The following PDE10A variants were observed in gnomAD, a reference collection of about 807,000 sequenced individuals.
The protein encoded by PDE10A is cAMP and cAMP-inhibited cGMP 3',5'-cyclic phosphodiesterase 10A.
In PDE10A, 39 loss-of-function variants were observed where a neutral mutation model predicts 97.7. The ratio of observed to expected loss-of-function variants is 0.40; its 90% CI spans 0.31 to 0.52. The LOEUF (loss-of-function observed/expected upper bound fraction) is 0.52, where lower values mean the gene tolerates loss of function less well. PDE10A is among the 20% of genes least tolerant of loss of function. The probability of loss-of-function intolerance (pLI) is 0.56; values close to 1 mark genes in which losing one functional copy is unlikely to be tolerated. For synonymous variants in PDE10A, 371 were observed against 376.8 expected (o/e 0.98, Z 0.18); for missense variants, 731 against 1,047.8 (o/e 0.70, Z 4.17).
At chr6:165,544,349 A>T (rs1783625926) in intron 1 of PDE10A, among the ~76,000 whole-genome samples, 1 of 152,216 alleles carries the variant, frequency 6.6e-6, no homozygotes, top group South Asian at 2.1e-4. Flanking sequence ...TAAGTACTGA[A>T]TATACATAAG....
intron 1 of PDE10A, among the ~76,000 whole-genome samples, chr6:165,886,568 G>A (rs1269978021): frequency 6.6e-6 from 1 of 152,230 alleles, no homozygotes; most frequent in African/African-American, 2.4e-5. Context: ...TGCTCAGTGA[G>A]GGTTGAACAA....
intron 1 of PDE10A, among the ~76,000 whole-genome samples, chr6:165,716,900 T>C (rs896477049): frequency 2.6e-5 from 4 of 152,202 alleles, no homozygotes; most frequent in African/African-American, 9.7e-5. Flanking sequence ...TGGCATTAAG[T>C]ACCTTCACAC....
At chr6:165,479,007 A>G (rs1386260922) in intron 3 of PDE10A, among the ~76,000 whole-genome samples, 1 of 152,204 alleles carries the variant, frequency 6.6e-6, no homozygotes, top group African/African-American at 2.4e-5. Flanking sequence ...ATGTCTCCCT[A>G]AAATGTATAA....
At chr6:165,703,480 T>G (rs1455941056) in intron 1 of PDE10A, among the ~76,000 whole-genome samples, 1 of 152,222 alleles carries the variant, frequency 6.6e-6, no homozygotes, top group Non-Finnish European at 1.5e-5. Flanking sequence ...ACTTTCCTCC[T>G]TCATTCATTC....
intron 13 of PDE10A, among the ~76,000 whole-genome samples, chr6:165,396,764 T>C (rs1352105350): frequency 6.6e-6 from 1 of 152,196 alleles, no homozygotes; most frequent in Non-Finnish European, 1.5e-5. Flanking sequence ...CATTTTTAAA[T>C]AAAAATTAAA....
intron 2 of PDE10A, among the ~76,000 whole-genome samples, chr6:165,515,366 A>G (rs1218296076): frequency 1.3e-5 from 2 of 152,090 alleles, no homozygotes; most frequent in Admixed American, 6.6e-5. Flanking sequence ...TTAACATCCA[A>G]TAAATAATTA....
rs980319402 is a variant in PDE10A at position 165,641,932 on chromosome 6, T to A, written c.865+20015A>T. 5.9e-5 allele frequency among the ~76,000 whole-genome samples: 9 copies of A among 152,200 alleles called. No individual in the cohort carries two copies. In the East Asian group the frequency reaches 1.5e-3, roughly 26 times the overall value. On this transcript the variant is annotated intron_variant, in intron 1 of 21. Transcript: ENST00000539869. ...CACGGCAGCCCCGCAGCCTCTGTCCTGCAGGCCACCAGCTGGAGTGGCAGA... is the reference window on the plus strand; with the variant it reads ...CACGGCAGCCCCGCAGCCTCTGTCCAGCAGGCCACCAGCTGGAGTGGCAGA...
intron 1 of PDE10A, among the ~76,000 whole-genome samples, chr6:165,815,013 G>A (rs1233810586): frequency 1.3e-5 from 2 of 152,082 alleles, no homozygotes; most frequent in Non-Finnish European, 2.9e-5. Flanking sequence ...TGAAAAGGGA[G>A]ACGGGGAGTT....
chr6:165,843,546 G>T (rs1780319938), intron 1 of PDE10A, among the ~76,000 whole-genome samples: 1 of 152,194 alleles, frequency 6.6e-6, no homozygotes, highest in Admixed American at 6.5e-5. Flanking sequence ...GAGGCCTGCT[G>T]GCTGCGTCCT....
In PDE10A at chr6:165,803,977, T is replaced by C. The variant is rs114644061; in HGVS notation, c.-615+183552A>G. Among the ~76,000 whole-genome samples the C allele has an allele frequency of 6.6e-3, 1,006 of 152,338 alleles. 9 individuals carry two copies. The highest frequency in any genetic ancestry group is 0.023 in the African/African-American group (969 of 41,566). ...TCAGGGCATCTGAATCTGCCTGCCA[T>C]GGAACCAGTCTGGTGGCCTCTATTT... On this transcript the variant is annotated intron_variant, in intron 1 of 19. Transcript: ENST00000366882.
In PDE10A at chr6:165,333,612, T is replaced by G. The variant is rs531259601; in HGVS notation, c.3066-485A>C. Among the ~76,000 whole-genome samples the G allele has an allele frequency of 2.0e-3, 301 of 152,316 alleles. 2 individuals are homozygous for G. The highest frequency in any genetic ancestry group is 6.5e-3 in the African/African-American group (269 of 41,576). ...TTCTTATTCTGAACAGTGTGTCGTA[T>G]GTACAAAGTCATCCTAAGTTACACC... is the stretch of plus-strand genomic sequence containing the variant. On this transcript the variant is annotated intron_variant, in intron 21 of 21. Transcript: ENST00000539869.
intron 1 of PDE10A, chr6:165,774,955 T>G (rs1262997815): frequency 6.6e-6 from 1 of 151,566 alleles, no homozygotes; most frequent in African/African-American, 2.4e-5. Context: ...TTGAAGACCT[T>G]CGAAAGGCAA....
chr6:165,958,762 A>AAAGAAAGAAAGAAAG (rs1562327907), intron 1 of PDE10A, among the ~76,000 whole-genome samples: 1 of 142,840 alleles, frequency 7.0e-6, no homozygotes, highest in Non-Finnish European at 1.5e-5. Context: ...AGAAAGAAAG[A>AAAGAAAGAAAGAAAG]AAGAAGAAAG....
chr6:165,830,753 A>T (rs1292217465), intron 1 of PDE10A, among the ~76,000 whole-genome samples: 1 of 152,188 alleles, frequency 6.6e-6, no homozygotes, highest in East Asian at 1.9e-4. Flanking sequence ...AAGCAAATAA[A>T]TGCAGAGGTA....
chr6:165,472,110 A>G (rs1779048312), intron 3 of PDE10A, among the ~76,000 whole-genome samples: 1 of 152,092 alleles, frequency 6.6e-6, no homozygotes, highest in African/African-American at 2.4e-5. Context: ...TACTCAGCAA[A>G]AGCTTTTGGG....
chr6:165,474,128 C>T (rs868411122), intron 3 of PDE10A, among the ~76,000 whole-genome samples: 25 of 152,246 alleles, frequency 1.6e-4, no homozygotes, highest in South Asian at 8.3e-4. Flanking sequence ...ATAGAGTTCT[C>T]TCTTACTTTC....
At chr6:165,826,693 C>A (rs1175562360) in intron 1 of PDE10A, among the ~76,000 whole-genome samples, 1 of 151,118 alleles carries the variant, frequency 6.6e-6, no homozygotes, top group African/African-American at 2.4e-5. Flanking sequence ...ACCAGAGGCA[C>A]GGTGGGAGCG....
intron 13 of PDE10A, among the ~76,000 whole-genome samples, chr6:165,412,124 A>C (rs1365623039): frequency 6.6e-6 from 1 of 152,050 alleles, no homozygotes; most frequent in South Asian, 2.1e-4. Flanking sequence ...ATCCAAAATG[A>C]ATTTTAACAC....
chr6:165,861,712 G>A lies in PDE10A; in HGVS notation c.-615+125817C>T, dbSNP rs145722722. 1.7e-3 allele frequency among the ~76,000 whole-genome samples: 256 copies of A among 152,176 alleles called. 3 individuals carry two copies. The highest frequency in any genetic ancestry group is 5.9e-3 in the African/African-American group (243 of 41,528). ...CCTCCAGGCAAGGGAAGGGAGTGACGGGTTGGCATGGGAGCCGAGGGGCTG... is the reference window on the plus strand; with the variant it reads ...CCTCCAGGCAAGGGAAGGGAGTGACAGGTTGGCATGGGAGCCGAGGGGCTG... On this transcript the variant is annotated intron_variant, in intron 1 of 19. Transcript: ENST00000366882.
Sources: gnomAD v4.1 joint callset for allele counts (sites outside exome capture counted in the v4.1 genomes callset) on GRCh38, gnomAD v4.1.1 for gene constraint, MANE v1.5 for transcripts, NCBI Gene and HGNC (gene_info 2026-07-23, HGNC 2026-07-21) for gene names.